Variants in PPIL6 observed in about 807,000 individuals in gnomAD.
PPIL6 encodes the protein peptidylprolyl isomerase like 6, also known as probable inactive peptidyl-prolyl cis-trans isomerase-like 6.
A neutral mutation model predicts 36.8 loss-of-function variants in PPIL6; 39 were observed. The observed-to-expected ratio is 1.06, with a 90% CI of 0.82 to 1.38. PPIL6 has a LOEUF of 1.38. Ranked by LOEUF, PPIL6 falls within the 40% of genes most tolerant of loss-of-function variation. PPIL6 has a pLI of 0.00. For synonymous variants in PPIL6, 123 were observed against 134.1 expected (o/e 0.92, Z 0.57); for missense variants, 368 against 379.1 (o/e 0.97, Z 0.24).
chr6:109,424,499 T>A (rs1262589649), intron 5 of PPIL6, among the ~76,000 whole-genome samples: 1 of 152,180 alleles, frequency 6.6e-6, no homozygotes, highest in African/African-American at 2.4e-5. Context: ...GCTCCTGTCC[T>A]CCAAAATTCT....
intron 4 of PPIL6, 41 bp from the exon 5 acceptor site, chr6:109,427,035 A>C: frequency 1.3e-6 from 2 of 1,594,228 alleles, no homozygotes; most frequent in Non-Finnish European, 1.7e-6. Context: ...TTAAATATTT[A>C]ACACTCCAAC....
At chr6:109,431,647 A>G (rs991173834) in intron 2 of PPIL6, among the ~76,000 whole-genome samples, 2 of 152,232 alleles carry the variant, frequency 1.3e-5, no homozygotes, top group Non-Finnish European at 2.9e-5. Flanking sequence ...CATGCCCAGA[A>G]AGGCATTTAA....
chr6:109,440,538 G>A lies in PPIL6; in HGVS notation c.53C>T (p.Ser18Leu). The change falls in exon 1 of 8, where the codon TCG becomes TTG. Residue 18 changes from serine to leucine, a missense_variant. Ser to Leu is a moderately radical substitution (Grantham distance 145). Coordinates refer to ENST00000521072, the MANE Select transcript of PPIL6 (RefSeq NM_173672.5). ...GPPHARCGSPSLPERPLQVKV... is the reference protein window; with the variant it reads ...GPPHARCGSPLLPERPLQVKV... ...CACCTGCAGCGGCCGCTCCGGCAGC[G>A]ACGGCGAGCCGCACCTAGCGTGCGG... 2 of 1,488,456 alleles carry A rather than the reference G, an allele frequency of 1.3e-6. No individual in the cohort carries two copies. The highest frequency in any genetic ancestry group is 1.8e-6 in the Non-Finnish European group (2 of 1,121,958). 92.2% of individuals were successfully genotyped at this position (1,488,456 alleles called of 1,614,324 possible). A position where few individuals can be genotyped will look rare whatever the true frequency, so the allele number is the denominator to read the frequency against.
intron 6 of PPIL6, among the ~76,000 whole-genome samples, chr6:109,412,119 T>TA (rs928280251): frequency 2.0e-5 from 3 of 152,230 alleles, no homozygotes; most frequent in African/African-American, 7.2e-5. Flanking sequence ...ACCTGGGAGT[T>TA]ACTGGCCTTT....
At chr6:109,425,616 G>C (rs575475305) in intron 5 of PPIL6, among the ~76,000 whole-genome samples, 4 of 152,168 alleles carry the variant, frequency 2.6e-5, no homozygotes, top group African/African-American at 9.6e-5. Context: ...AGGTGTGGGG[G>C]TGGGCCCCTG....
At chr6:109,412,573 C>CCA (rs933162185) in intron 6 of PPIL6, among the ~76,000 whole-genome samples, 3 of 152,060 alleles carry the variant, frequency 2.0e-5, no homozygotes, top group Non-Finnish European at 4.4e-5. Context: ...AATAGAGAAC[C>CCA]CAGAAACAAA....
At chr6:109,429,161 G>C (rs148522911) in intron 3 of PPIL6, among the ~76,000 whole-genome samples, 122 of 152,254 alleles carry the variant, frequency 8.0e-4, no homozygotes, top group African/African-American at 2.8e-3. Context: ...TATTGTCTCT[G>C]GAACGCTTCA....
At chr6:109,440,760 C>G (rs1448061641), upstream of PPIL6, 15 of 194,210 alleles carry the variant, frequency 7.7e-5, no homozygotes, top group Non-Finnish European at 1.4e-4. Context: ...CGCCGGCGCG[C>G]GGGCGGCCGC....
intron 7 of PPIL6, among the ~76,000 whole-genome samples, chr6:109,394,312 G>T (rs1434702268): frequency 6.8e-6 from 1 of 148,016 alleles, no homozygotes; most frequent in East Asian, 2.0e-4. Context: ...GGTGGAGGTT[G>T]CAGTGAGCTG....
At chr6:109,411,575 A>T (rs1449346637) in intron 6 of PPIL6, among the ~76,000 whole-genome samples, 1 of 152,228 alleles carries the variant, frequency 6.6e-6, no homozygotes, top group Non-Finnish European at 1.5e-5. Flanking sequence ...TCAATTATCA[A>T]GTGCTTTCCC....
intron 5 of PPIL6, among the ~76,000 whole-genome samples, chr6:109,422,707 G>C (rs115319167): frequency 1.3e-5 from 2 of 152,140 alleles, no homozygotes. Flanking sequence ...TAGAACCCTA[G>C]TAGTTAGAAA....
intron 2 of PPIL6, among the ~76,000 whole-genome samples, chr6:109,431,634 T>C (rs1280990167): frequency 6.6e-6 from 1 of 152,184 alleles, no homozygotes; most frequent in Non-Finnish European, 1.5e-5. Context: ...CCCTTTAAAT[T>C]ATCATGCCCA....
chr6:109,394,118 C>T (rs1772202640), intron 7 of PPIL6, among the ~76,000 whole-genome samples: 1 of 152,114 alleles, frequency 6.6e-6, no homozygotes, highest in Non-Finnish European at 1.5e-5. Flanking sequence ...TGCCTGTAAT[C>T]CCAGCACTTT....
At chr6:109,426,334 T>G (rs1337257826) in intron 5 of PPIL6, among the ~76,000 whole-genome samples, 4 of 152,210 alleles carry the variant, frequency 2.6e-5, no homozygotes, top group Non-Finnish European at 5.9e-5. Flanking sequence ...AATTCCATGC[T>G]TTTAATCAGA....
intron 1 of PPIL6, among the ~76,000 whole-genome samples, chr6:109,438,219 A>G (rs1314031162): frequency 6.6e-6 from 1 of 152,010 alleles, no homozygotes; most frequent in Non-Finnish European, 1.5e-5. Context: ...TTTGTCAGTT[A>G]ATCAGGCATC....
In PPIL6 at chr6:109,436,088, C is replaced by G; in HGVS notation, c.231+16G>C. The G allele has an allele frequency of 7.2e-7, 1 of 1,395,638 alleles. No individual in the cohort carries two copies. Among genetic ancestry groups the G allele is most frequent in the Non-Finnish European group, 1.0e-6 (1 of 982,808 alleles). The allele number at this position is 1,395,638 out of a possible 1,614,324, so 86.5% of individuals were successfully genotyped here. A position where few individuals can be genotyped will look rare whatever the true frequency, so the allele number is the denominator to read the frequency against. On this transcript the variant is annotated intron_variant, in intron 2 of 7. Transcript: ENST00000521072. ...GGCTTGTTGTCTATATCCCCCACAC[C>G]CCAAATATCCTTTACCCTTTTTTTC... is the stretch of plus-strand genomic sequence containing the variant.
rs558395975 is a variant in PPIL6 at position 109,440,206 on chromosome 6, C to T, written c.135+250G>A. ...CTTATCTCCCAGCGCGGTTCTGAAC[C>T]CTTCCTTCGCTCAGTTCTCCCTTTA... On this transcript the variant is annotated intron_variant, in intron 1 of 7. Transcript: ENST00000521072. The T allele has an allele frequency of 8.6e-6, 5 of 584,176 alleles. No individual in the cohort carries two copies. In the African/African-American group the frequency reaches 9.3e-5, roughly 11 times the overall value. 36.2% of individuals were successfully genotyped at this position (584,176 alleles called of 1,614,324 possible).
intron 6 of PPIL6, among the ~76,000 whole-genome samples, chr6:109,408,940 C>T (rs182844720): frequency 6.6e-6 from 1 of 152,284 alleles, no homozygotes; most frequent in Non-Finnish European, 1.5e-5. Flanking sequence ...CAGGCCACTA[C>T]CTCTGATGAA....
chr6:109,400,238 G>A, intron 6 of PPIL6, 68 bp from the exon 7 acceptor site: 2 of 1,308,858 alleles, frequency 1.5e-6, no homozygotes, highest in South Asian at 2.8e-5. Context: ...TAACATATAA[G>A]GAACAAATAG....
Sources: allele counts gnomAD v4.1 joint callset (sites outside exome capture counted in the v4.1 genomes callset), GRCh38; gene constraint gnomAD v4.1.1; transcripts MANE v1.5; gene names NCBI Gene and HGNC (gene_info 2026-07-23, HGNC 2026-07-21).